Variants in RB1CC1 observed in about 807,000 individuals in gnomAD.
RB1CC1 encodes RB1-inducible coiled-coil protein 1.
A neutral mutation model predicts 177.5 loss-of-function variants in RB1CC1; 46 were observed. That is an observed-to-expected ratio of 0.26 (90% CI 0.20 to 0.33). The LOEUF is 0.33. Ranked by LOEUF, RB1CC1 falls within the 10% of genes least tolerant of loss-of-function variation. The probability of loss-of-function intolerance (pLI) is 1.00; values close to 1 mark genes in which losing one functional copy is unlikely to be tolerated. For synonymous variants in RB1CC1, 666 were observed against 613.6 expected, an observed-to-expected ratio of 1.09 and a Z score of -1.26; for missense variants, 1,703 against 1,816.3, an observed-to-expected ratio of 0.94 and a Z score of 1.13.
At chr8:52,699,804 C>CAAAAAAAAAAAAAAAAA (rs1172604874) in intron 1 of RB1CC1, among the ~76,000 whole-genome samples, 1 of 38,546 alleles carries the variant, frequency 2.6e-5, no homozygotes, top group Non-Finnish European at 3.9e-5. Context: ...ATCTCCGTCT[C>CAAAAAAAAAAAAAAAAA]AAAAAAAAAA....
Position 52,623,209 on chromosome 8 carries a change from T to C in RB1CC1, c.*573A>G, listed in dbSNP as rs1848167078. The C allele has an allele frequency of 6.4e-6, 1 of 155,926 alleles. No homozygotes were observed. 9.7% of individuals were successfully genotyped at this position (155,926 alleles called of 1,614,324 possible). ...AGTCAATCAAATTACAGTTCCTTTT[T>C]TTTTTTGAAACATCAAAGGGCATTT... is the stretch of plus-strand genomic sequence containing the variant. On this transcript the variant is annotated 3_prime_UTR_variant, in exon 24 of 24. Transcript: ENST00000025008.
intron 6 of RB1CC1, among the ~76,000 whole-genome samples, chr8:52,675,566 T>G (rs1472990361): frequency 6.6e-6 from 1 of 152,050 alleles, no homozygotes; most frequent in African/African-American, 2.4e-5. Context: ...GCCATCTTAA[T>G]GAGCATTGAA....
chr8:52,630,647 A>C (rs1473815540), intron 20 of RB1CC1, 119 bp from the exon 21 acceptor site: 4 of 951,046 alleles, frequency 4.2e-6, no homozygotes, highest in Non-Finnish European at 5.8e-6. Context: ...TAAAGAGCCC[A>C]AACTAATATA....
intron 1 of RB1CC1, among the ~76,000 whole-genome samples, chr8:52,688,890 G>GA (rs1474455998): frequency 6.6e-6 from 1 of 152,158 alleles, no homozygotes; most frequent in African/African-American, 2.4e-5. Context: ...GACACTAATG[G>GA]AAAATAGAAC....
rs776668834 is a variant in RB1CC1 at position 52,669,493 on chromosome 8, TTAAAC to T, written c.1003-1307_1003-1303del. ...GTACACAGAGAACATACAAAAGCAA[TTAAAC>T]TAAACTATTTTATTGTTATTATCAA... On this transcript the variant is annotated intron_variant, in intron 7 of 23. Transcript: ENST00000025008. Among the ~76,000 whole-genome samples, 6 of 152,180 alleles carry T rather than the reference TTAAAC, an allele frequency of 3.9e-5. No individual in the cohort carries two copies. The East Asian group carries it at 5.8e-4, about 15-fold the overall frequency.
intron 20 of RB1CC1, among the ~76,000 whole-genome samples, chr8:52,633,353 G>A (rs569235988): frequency 3.3e-5 from 5 of 152,128 alleles, no homozygotes; most frequent in African/African-American, 9.6e-5. Context: ...AGAATGTAGC[G>A]GTGACCAAAA....
intron 1 of RB1CC1, among the ~76,000 whole-genome samples, chr8:52,696,320 G>C (rs1173230167): frequency 6.6e-6 from 1 of 152,180 alleles, no homozygotes; most frequent in East Asian, 1.9e-4. Context: ...GGGATTACAG[G>C]TGTGAGCCAC....
intron 1 of RB1CC1, among the ~76,000 whole-genome samples, chr8:52,700,666 T>C (rs1465340409): frequency 6.6e-6 from 1 of 152,232 alleles, no homozygotes; most frequent in Non-Finnish European, 1.5e-5. Context: ...ATACAAACAA[T>C]GTCTGATATG....
Position 52,683,969 on chromosome 8 carries a change from G to A in RB1CC1, c.116C>T (p.Ala39Val). 6.2e-7 allele frequency: 1 copy of A among 1,614,016 alleles called. No homozygotes were observed. Among genetic ancestry groups the A allele is most frequent in the Non-Finnish European group, 8.5e-7 (1 of 1,180,010 alleles). The part of the protein sequence containing the change: ...KHAIQSKYKI[A>V]IQHQVLVVNG... ...GACCACCAGCACCTGGTGTTGAATA[G>A]CAATCTTGTATTTGCTTTGAATGGC... The change falls in exon 4 of 24, where the codon GCT (alanine) becomes GTT (valine). Residue 39 changes from alanine (A) to valine (V), a missense_variant. Coordinates refer to ENST00000025008, the MANE Select transcript of RB1CC1 (RefSeq NM_014781.5).
At chr8:52,702,218 A>G (rs1366521761) in intron 1 of RB1CC1, among the ~76,000 whole-genome samples, 1 of 152,196 alleles carries the variant, frequency 6.6e-6, no homozygotes, top group Non-Finnish European at 1.5e-5. Context: ...GGTTTATAAA[A>G]TTAGTTAAAT....
intron 18 of RB1CC1, among the ~76,000 whole-genome samples, chr8:52,640,102 G>A (rs181465962): frequency 2.0e-5 from 3 of 151,992 alleles, no homozygotes; most frequent in East Asian, 3.9e-4. Flanking sequence ...TACCACTTTC[G>A]TCATATCTGT....
At position 52,655,295 on chromosome 8, in the gene RB1CC1, C is replaced by T. The variant is rs977500426; in HGVS notation, c.3821+713G>A. ...ACAGGTTGAAATATATATGTATTCA[C>T]TTGGAGAATTCATGATAGAATGAAT... On this transcript the variant is annotated intron_variant, in intron 15 of 23. Transcript: ENST00000025008. 2.0e-5 allele frequency among the ~76,000 whole-genome samples: 3 copies of T among 152,082 alleles called. No homozygotes were observed. The South Asian group carries it at 6.2e-4, about 32-fold the overall frequency.
In RB1CC1 at chr8:52,683,602, G is replaced by C; in HGVS notation, c.316C>G (p.Leu106Val). The C allele has an allele frequency of 1.9e-6, 3 of 1,611,646 alleles. No homozygotes were observed. Among genetic ancestry groups the C allele is most frequent in the Non-Finnish European group, 2.5e-6 (3 of 1,179,308 alleles). ...GTATGAAAAACTGCAGGCATCATAAGAGATTCTTCAACTTTTATTTCCATG... is the reference window on the plus strand; with the variant it reads ...GTATGAAAAACTGCAGGCATCATAACAGATTCTTCAACTTTTATTTCCATG... The part of the protein sequence containing the change: ...NDMEIKVEES[L>V]MMPAVFHTVA... The change falls in exon 5 of 24, where the codon CTT becomes GTT. Residue 106 changes from leucine (L) to valine (V), a missense_variant. By Grantham distance (32) the Leu-to-Val change is conservative (BLOSUM62 1). Around this residue, in one of 6 missense-constraint regions of RB1CC1, gnomAD observed 11 missense variants for 29.1 expected, o/e 0.38. Coordinates refer to ENST00000025008, the MANE Select transcript of RB1CC1 (RefSeq NM_014781.5).
At chr8:52,689,222 TTGA>T (rs1246321449) in intron 1 of RB1CC1, among the ~76,000 whole-genome samples, 3 of 152,238 alleles carry the variant, frequency 2.0e-5, no homozygotes, top group Non-Finnish European at 4.4e-5. Flanking sequence ...TTTCTCTTTG[TTGA>T]TGAAGTCTAG....
rs749675954 is a variant in RB1CC1 at position 52,656,267 on chromosome 8, T to G, written c.3562A>C (p.Ser1188Arg). The change falls in exon 15 of 24, where the codon AGT becomes CGT. Residue 1188 changes from serine (S) to arginine (R), a missense_variant. Around this residue, in one of 6 missense-constraint regions of RB1CC1, gnomAD observed 1,169 missense variants for 1,184.7 expected, o/e 0.99. Coordinates refer to ENST00000025008, the MANE Select transcript of RB1CC1 (RefSeq NM_014781.5). Reference protein sequence around the residue: ...ELQSKLDSELSALERQKDEKI... With the variant: ...ELQSKLDSELRALERQKDEKI... ...TCATCTTTTTGTCTTTCAAGAGCAC[T>G]CAATTCTGAATCCAATTTACTCTGC... 4.3e-6 allele frequency: 7 copies of G among 1,613,330 alleles called. No homozygotes were observed. Among genetic ancestry groups the G allele is most frequent in the Non-Finnish European group, 5.9e-6 (7 of 1,179,818 alleles).
intron 5 of RB1CC1, among the ~76,000 whole-genome samples, chr8:52,683,039 T>C (rs1423443383): frequency 2.0e-5 from 3 of 152,182 alleles, no homozygotes; most frequent in South Asian, 2.1e-4. Flanking sequence ...TTACCACTGA[T>C]AGCTTAATGT....
At chr8:52,675,346 C>G (rs558448058) in intron 6 of RB1CC1, among the ~76,000 whole-genome samples, 14 of 152,010 alleles carry the variant, frequency 9.2e-5, no homozygotes, top group African/African-American at 2.9e-4. Flanking sequence ...CTACTTGCCT[C>G]TAATGCAAGG....
rs754328831 is a variant in RB1CC1 at position 52,630,454 on chromosome 8, A to G, written c.4499+16T>C. On this transcript the variant is annotated intron_variant, in intron 21 of 23. Transcript: ENST00000025008. The stretch of plus-strand genomic sequence containing the variant: ...TGTTTTTCACAGAAAAATACTCACA[A>G]AACTAAAATACTTACTCTCTAATAG... 6 of 1,563,726 alleles carry G rather than the reference A, an allele frequency of 3.8e-6. No homozygotes were observed. In the African/African-American group the frequency reaches 5.6e-5, roughly 14 times the overall value.
intron 12 of RB1CC1, among the ~76,000 whole-genome samples, chr8:52,659,614 T>C (rs1851427270): frequency 6.6e-6 from 1 of 152,142 alleles, no homozygotes; most frequent in Admixed American, 6.5e-5. Flanking sequence ...GATAAATAAG[T>C]ATGGGAATCG....
Sources: gnomAD v4.1 joint callset for allele counts (sites outside exome capture counted in the v4.1 genomes callset) on GRCh38, gnomAD v4.1.1 for gene constraint, gnomAD v4.1.1 regional missense constraint, MANE v1.5 for transcripts, NCBI Gene and HGNC (gene_info 2026-07-23, HGNC 2026-07-21) for gene names.